The following FREM1 variants were observed in gnomAD, a reference collection of about 807,000 sequenced individuals.
FREM1 encodes the protein FRAS1 related extracellular matrix 1.
FREM1 carries 220 observed loss-of-function variants against 210.1 expected under a neutral mutation model. The observed-to-expected ratio is 1.05, with a 90% confidence interval of 0.94 to 1.17. FREM1 has a LOEUF of 1.17. FREM1 is among the 50% of genes most tolerant of loss of function. The probability of loss-of-function intolerance (pLI) is 0.00; values close to 1 mark genes in which losing one functional copy is unlikely to be tolerated. For synonymous variants in FREM1, 1,189 were observed against 980.2 expected (o/e 1.21, Z -3.98); for missense variants, 3,454 against 2,675.5 (o/e 1.29, Z -6.42).
intron 3 of FREM1, among the ~76,000 whole-genome samples, chr9:14,860,762 CACATATATACACATATATACATATAT>C (rs1564101245): frequency 7.2e-5 from 6 of 83,080 alleles, no homozygotes; most frequent in South Asian, 3.1e-4. Flanking sequence ...CATATATATG[CACATATATACACATATATACATATAT>C]ACATATATAC....
At chr9:14,820,788 C>A (rs1386334954) in intron 13 of FREM1, among the ~76,000 whole-genome samples, 1 of 152,200 alleles carries the variant, frequency 6.6e-6, no homozygotes, top group Non-Finnish European at 1.5e-5. Context: ...GTCTCACTTT[C>A]ACTTTGCTAA....
At chr9:14,839,367 C>T (rs1254335385) in intron 10 of FREM1, among the ~76,000 whole-genome samples, 2 of 152,166 alleles carry the variant, frequency 1.3e-5, no homozygotes, top group Non-Finnish European at 2.9e-5. Context: ...GTTTAAAACG[C>T]TGATGATACA....
Position 14,861,296 on chromosome 9 carries a change from T to C in FREM1, c.330-1812A>G, listed in dbSNP as rs187954150. 2.1e-4 allele frequency among the ~76,000 whole-genome samples: 22 copies of C among 104,912 alleles called. 1 individual carries two copies. Among genetic ancestry groups the C allele is most frequent in the East Asian group, 9.6e-4 (3 of 3,120 alleles). 68.8% of individuals were successfully genotyped at this position (104,912 alleles called of 152,430 possible). A position where few individuals can be genotyped will look rare whatever the true frequency, so the allele number is the denominator to read the frequency against. Reference sequence around the variant, plus strand: ...ATATATACATATATACATATATACATATATACACATATATACATATATACA... The same window carrying C: ...ATATATACATATATACATATATACACATATACACATATATACATATATACA... On this transcript the variant is annotated intron_variant, in intron 3 of 36. Coordinates refer to ENST00000380880, the MANE Select transcript of FREM1 (RefSeq NM_001379081.2).
intron 1 of FREM1, among the ~76,000 whole-genome samples, chr9:14,875,487 T>C (rs1833533780): frequency 6.6e-6 from 1 of 152,242 alleles, no homozygotes; most frequent in Admixed American, 6.5e-5. Flanking sequence ...GGCTTCTGCA[T>C]TCTTCACGTA....
intron 27 of FREM1, among the ~76,000 whole-genome samples, chr9:14,761,499 T>G (rs1432869591): frequency 6.6e-6 from 1 of 152,218 alleles, no homozygotes; most frequent in Admixed American, 6.5e-5. Flanking sequence ...TGCAACTGAA[T>G]TTAAATCTCG....
At chr9:14,761,565 A>C (rs1269463242) in intron 27 of FREM1, among the ~76,000 whole-genome samples, 4 of 152,226 alleles carry the variant, frequency 2.6e-5, no homozygotes, top group African/African-American at 9.6e-5. Flanking sequence ...TCTTTTTCAC[A>C]ATTTGCTTTC....
intron 1 of FREM1, among the ~76,000 whole-genome samples, chr9:14,905,675 G>T (rs1166958396): frequency 1.3e-5 from 2 of 152,204 alleles, no homozygotes; most frequent in Admixed American, 6.5e-5. Context: ...GATCACCTGA[G>T]GTCAGGAGTT....
At chr9:14,825,531 A>ATGTG (rs1205301480) in intron 10 of FREM1, among the ~76,000 whole-genome samples, 1,202 of 54,390 alleles carry the variant, frequency 0.022, 46 homozygotes, top group African/African-American at 0.043. Context: ...ACATATATAT[A>ATGTG]TATATGTGTG....
rs148347842 is a variant in FREM1 at position 14,878,724 on chromosome 9, C to G, written c.-267-9480G>C. Among the ~76,000 whole-genome samples, 37 of 152,196 alleles carry G rather than the reference C, an allele frequency of 2.4e-4. No homozygotes were observed. The East Asian group carries it at 5.4e-3, about 22-fold the overall frequency. ...ATATTTTTTACTCATGGATTTAACC[C>G]TAGTGTCTAGAACAATGCCTGATAT... is the stretch of plus-strand genomic sequence containing the variant. On this transcript the variant is annotated intron_variant, in intron 1 of 36. Transcript: ENST00000380880.
rs757178241 is a variant in FREM1, at chr9:14,819,666, T to C, written c.2338-224A>G. Among the ~76,000 whole-genome samples, 145 of 152,350 alleles carry C rather than the reference T, an allele frequency of 9.5e-4. 1 individual carries two copies. Among genetic ancestry groups the C allele is most frequent in the Admixed American group, 2.6e-3 (40 of 15,306 alleles). ...ATGTGTTACAAGGAAACAAGGCAGA[T>C]CTCTAAGATTGAAAGTATCTACTTT... On this transcript the variant is annotated intron_variant, in intron 13 of 36. Coordinates refer to ENST00000380880, the MANE Select transcript of FREM1 (RefSeq NM_001379081.2).
chr9:14,739,334 G>A lies in FREM1; in HGVS notation c.6340+815C>T, dbSNP rs1377577024. ...GCCTAGGCTCATCTCGAAATCCTGG[G>A]CTCAAGCAATCCTCCAGCCTTGGTC... On this transcript the variant is annotated intron_variant, in intron 36 of 36. Transcript: ENST00000380880. Among the ~76,000 whole-genome samples the A allele has an allele frequency of 9.3e-5, 14 of 151,096 alleles. 1 individual carries two copies. Among genetic ancestry groups the A allele is most frequent in the Admixed American group, 9.3e-4 (14 of 15,132 alleles).
chr9:14,756,302 A>G, intron 29 of FREM1, 72 bp downstream of exon 29: 1 of 1,089,928 alleles, frequency 9.2e-7, no homozygotes, highest in Non-Finnish European at 1.3e-6. Context: ...TCTTCTCTAC[A>G]ATCTCCAGAC....
intron 1 of FREM1, among the ~76,000 whole-genome samples, chr9:14,884,143 C>T (rs867763282): frequency 6.6e-6 from 1 of 152,110 alleles, no homozygotes; most frequent in Non-Finnish European, 1.5e-5. Flanking sequence ...GCAGGAGAAT[C>T]TCTTGAACTT....
chr9:14,784,723 G>A, intron 23 of FREM1, 89 bp from the exon 24 acceptor site: 2 of 956,978 alleles, frequency 2.1e-6, no homozygotes, highest in Non-Finnish European at 1.4e-6. Context: ...CCAAAACTGT[G>A]CAAAAATCAA....
chr9:14,784,311 C>A, intron 24 of FREM1, 59 bp downstream of exon 24: 1 of 1,508,826 alleles, frequency 6.6e-7, no homozygotes, highest in Non-Finnish European at 9.1e-7. Context: ...ATTAACAGAT[C>A]TCCTTTTCTG....
chr9:14,852,524 C>T (rs1300103180), intron 5 of FREM1, among the ~76,000 whole-genome samples: 3 of 152,036 alleles, frequency 2.0e-5, no homozygotes, highest in South Asian at 2.1e-4. Flanking sequence ...CCTATCTCTA[C>T]AAAAAAAGTA....
intron 27 of FREM1, among the ~76,000 whole-genome samples, chr9:14,765,947 C>T (rs923953769): frequency 6.6e-6 from 1 of 152,184 alleles, no homozygotes; most frequent in Non-Finnish European, 1.5e-5. Flanking sequence ...CACAAAAGTG[C>T]TTTTCATGAA....
chr9:14,792,491 C>T (rs1851603609), intron 22 of FREM1, among the ~76,000 whole-genome samples: 1 of 152,088 alleles, frequency 6.6e-6, no homozygotes, highest in African/African-American at 2.4e-5. Context: ...CCAGTAATTC[C>T]CTCCCTCAGA....
At chr9:14,890,079 C>G (rs1836528124) in intron 1 of FREM1, among the ~76,000 whole-genome samples, 1 of 152,218 alleles carries the variant, frequency 6.6e-6, no homozygotes, top group Non-Finnish European at 1.5e-5. Context: ...GGGCACTTCT[C>G]TCACACAAGG....
Sources: allele counts gnomAD v4.1 joint callset (sites outside exome capture counted in the v4.1 genomes callset), GRCh38; gene constraint gnomAD v4.1.1; transcripts MANE v1.5; gene names NCBI Gene and HGNC (gene_info 2026-07-23, HGNC 2026-07-21).